Variants in SHISAL1 observed in about 807,000 individuals in gnomAD.
SHISAL1 encodes shisa like 1, also known as protein shisa-like-1.
A neutral mutation model predicts 22.6 loss-of-function variants in SHISAL1; 9 were observed. The observed-to-expected ratio is 0.40, with a 90% CI of 0.24 to 0.70. The LOEUF (loss-of-function observed/expected upper bound fraction) is 0.70, where lower values mean the gene tolerates loss of function less well. SHISAL1 is among the 30% of genes least tolerant of loss of function. The pLI, the probability that SHISAL1 is intolerant of heterozygous loss-of-function variation, is 0.39. For synonymous variants in SHISAL1, 119 were observed against 115.4 expected, an observed-to-expected ratio of 1.03 and a Z score of -0.20; for missense variants, 246 against 270.6, an observed-to-expected ratio of 0.91 and a Z score of 0.64.
chr22:44,262,785 G>A (rs530417498), intron 4 of SHISAL1, among the ~76,000 whole-genome samples: 60 of 152,352 alleles, frequency 3.9e-4, no homozygotes, highest in African/African-American at 1.4e-3. Flanking sequence ...GGGGTGAGGA[G>A]GGTCTGCAGC....
intron 3 of SHISAL1, among the ~76,000 whole-genome samples, chr22:44,291,468 A>G (rs1160241202): frequency 2.6e-5 from 4 of 152,138 alleles, no homozygotes; most frequent in Non-Finnish European, 4.4e-5. Context: ...AAGGTCCTTC[A>G]TAGATAACAG....
upstream of SHISAL1, among the ~76,000 whole-genome samples, chr22:44,313,506 A>C (rs1888992383): frequency 6.6e-6 from 1 of 152,186 alleles, no homozygotes; most frequent in Non-Finnish European, 1.5e-5. Context: ...CCCACCCAGC[A>C]GCAGAGGGTC....
intron 4 of SHISAL1, among the ~76,000 whole-genome samples, chr22:44,275,605 T>C (rs78999017): frequency 0.027 from 4,180 of 152,252 alleles, 197 homozygotes; most frequent in African/African-American, 0.097. Context: ...GGTTAGCTCT[T>C]ACAGGAAGCG....
At chr22:44,316,402 C>G (rs1484126423), upstream of SHISAL1, among the ~76,000 whole-genome samples, 8 of 123,818 alleles carry the variant, frequency 6.5e-5, no homozygotes, top group Non-Finnish European at 7.9e-5. Flanking sequence ...GGATCAGAAC[C>G]AGGGTGGGGG....
intron 4 of SHISAL1, among the ~76,000 whole-genome samples, chr22:44,251,711 G>A (rs1355419605): frequency 1.3e-5 from 2 of 152,090 alleles, no homozygotes; most frequent in Non-Finnish European, 2.9e-5. Flanking sequence ...CATCAGATTC[G>A]GTGAGATTCA....
chr22:44,266,435 TGGG>T (rs1471885207), intron 4 of SHISAL1, among the ~76,000 whole-genome samples: 2 of 105,572 alleles, frequency 1.9e-5, no homozygotes, highest in South Asian at 3.5e-4. Context: ...GTGTGTGTGT[TGGG>T]GGGTTGTGTG....
chr22:44,272,711 C>T (rs554999373), intron 4 of SHISAL1, among the ~76,000 whole-genome samples: 8 of 152,174 alleles, frequency 5.3e-5, no homozygotes, highest in Middle Eastern at 3.2e-3. Context: ...TGCAAAGGGC[C>T]GATGAATTGG....
chr22:44,293,823 A>C (rs1274020354), intron 3 of SHISAL1, among the ~76,000 whole-genome samples: 1 of 152,194 alleles, frequency 6.6e-6, no homozygotes, highest in Admixed American at 6.5e-5. Context: ...ACGATTAAAA[A>C]TGTAAGTTAA....
chr22:44,295,114 G>C (rs73888979), intron 3 of SHISAL1, among the ~76,000 whole-genome samples: 4,780 of 152,228 alleles, frequency 0.031, 251 homozygotes, highest in African/African-American at 0.11. Context: ...AAAGAGCCAG[G>C]AGGAGCCCAT....
intron 4 of SHISAL1, among the ~76,000 whole-genome samples, chr22:44,262,168 A>T (rs1173700389): frequency 1.3e-5 from 2 of 152,236 alleles, no homozygotes; most frequent in African/African-American, 4.8e-5. Flanking sequence ...TCTTGGGAGC[A>T]GCCACAGAGC....
chr22:44,260,575 G>C (rs2055114659), intron 4 of SHISAL1, among the ~76,000 whole-genome samples: 1 of 152,222 alleles, frequency 6.6e-6, no homozygotes, highest in Admixed American at 6.5e-5. Context: ...CCTTTGCTTG[G>C]TTTCCCCGGG....
rs114098037 is a variant in SHISAL1, at chr22:44,247,687, C to T, written c.*1998G>A. The T allele has an allele frequency of 9.1e-4, 138 of 152,414 alleles. No homozygotes were observed. The highest frequency in any genetic ancestry group is 3.2e-3 in the African/African-American group (132 of 41,584). 9.4% of individuals were successfully genotyped at this position (152,414 alleles called of 1,614,324 possible). A position where few individuals can be genotyped will look rare whatever the true frequency, so the allele number is the denominator to read the frequency against. The stretch of plus-strand genomic sequence containing the variant: ...CTTGTCCATAAAATGGGGAGAGCCC[C>T]TTCTTCATGGGGCTGTTGAGAGGAT... On this transcript the variant is annotated 3_prime_UTR_variant, in exon 5 of 5. Transcript: ENST00000381176.
At chr22:44,251,116 A>G (rs2055044706) in intron 4 of SHISAL1, among the ~76,000 whole-genome samples, 1 of 152,212 alleles carries the variant, frequency 6.6e-6, no homozygotes, top group Non-Finnish European at 1.5e-5. Context: ...CACCTATTGT[A>G]CTTACTTGAA....
At chr22:44,266,632 G>A (rs1403791044) in intron 4 of SHISAL1, among the ~76,000 whole-genome samples, 1 of 151,712 alleles carries the variant, frequency 6.6e-6, no homozygotes, top group Non-Finnish European at 1.5e-5. Flanking sequence ...CACATTGTAG[G>A]TGCTCTGGGA....
At chr22:44,262,524 G>C (rs949764873) in intron 4 of SHISAL1, among the ~76,000 whole-genome samples, 5 of 152,230 alleles carry the variant, frequency 3.3e-5, no homozygotes, top group African/African-American at 1.2e-4. Context: ...CAGCCTCAGG[G>C]GTGGGGACCA....
In SHISAL1 at chr22:44,245,267, A is replaced by G. The variant is rs1394619876; in HGVS notation, c.*4418T>C. The G allele has an allele frequency of 6.6e-6, 1 of 152,212 alleles. No homozygotes were observed. Among genetic ancestry groups the G allele is most frequent in the Admixed American group, 6.5e-5 (1 of 15,276 alleles). The allele number at this position is 152,212 out of a possible 1,614,324, so 9.4% of individuals were successfully genotyped here. A position where few individuals can be genotyped will look rare whatever the true frequency, so the allele number is the denominator to read the frequency against. ...AGTGATAGGGGGCCCTTCAACATTG[A>G]TAAGACATGTTCCCAATAACTCCAT... On this transcript the variant is annotated 3_prime_UTR_variant, in exon 5 of 5. Coordinates refer to ENST00000381176, the MANE Select transcript of SHISAL1 (RefSeq NM_001099294.2).
intron 3 of SHISAL1, among the ~76,000 whole-genome samples, chr22:44,287,667 A>G (rs1482047141): frequency 6.6e-6 from 1 of 152,164 alleles, no homozygotes; most frequent in Non-Finnish European, 1.5e-5. Flanking sequence ...GAGACTGTTA[A>G]AGAGAGGCTA....
chr22:44,266,497 T>C (rs1202011207), intron 4 of SHISAL1, among the ~76,000 whole-genome samples: 1 of 109,064 alleles, frequency 9.2e-6, no homozygotes, highest in Non-Finnish European at 1.8e-5. Context: ...TTGGGGGCTC[T>C]GGTGTATGTG....
intron 4 of SHISAL1, among the ~76,000 whole-genome samples, chr22:44,277,680 A>G (rs575114746): frequency 3.3e-5 from 5 of 152,304 alleles, no homozygotes; most frequent in East Asian, 3.9e-4. Context: ...AGGCGTGCTC[A>G]CAGAGGCTAA....
Sources: gnomAD v4.1 joint callset for allele counts (sites outside exome capture counted in the v4.1 genomes callset) on GRCh38, gnomAD v4.1.1 for gene constraint, MANE v1.5 for transcripts, NCBI Gene and HGNC (gene_info 2026-07-23, HGNC 2026-07-21) for gene names.